Variants in FER1L6 observed in about 807,000 individuals in gnomAD.
The protein encoded by FER1L6 is fer-1-like protein 6.
A neutral mutation model predicts 219.2 loss-of-function variants in FER1L6; 177 were observed. The observed-to-expected ratio is 0.81, with a 90% CI of 0.71 to 0.91. The LOEUF is 0.91. Among genes scored for constraint, FER1L6 ranks in the 40% least tolerant of loss-of-function variants. FER1L6 has a pLI of 0.00. For missense variants in FER1L6, 2,153 were observed against 2,259.9 expected, an observed-to-expected ratio of 0.95 and a Z score of 0.96; for synonymous variants, 768 against 824.3, an observed-to-expected ratio of 0.93 and a Z score of 1.17.
At chr8:124,107,367 G>A (rs922311073) in intron 39 of FER1L6, among the ~76,000 whole-genome samples, 2 of 152,164 alleles carry the variant, frequency 1.3e-5, no homozygotes, top group African/African-American at 4.8e-5. Context: ...CTAAGTGTCA[G>A]CTTACAAGCC....
In FER1L6 at chr8:124,060,188, T is replaced by C. The variant is rs1246275438; in HGVS notation, c.2883T>C (p.Pro961=). ...CTTGCCTTGTGCGGTAGGTTCCTCC[T>C]TCTGGGCTGCAAGGCCTCCCACCCG... ...LAVFELLQVP[P]SGLQGLPPVE... Residue 961 remains proline, a synonymous_variant, in exon 23 of 41, where the codon CCT becomes CCC. Transcript: ENST00000522917. The C allele has an allele frequency of 6.2e-7, 1 of 1,613,964 alleles. No individual in the cohort carries two copies. Among genetic ancestry groups the C allele is most frequent in the South Asian group, 1.1e-5 (1 of 91,080 alleles).
intron 39 of FER1L6, among the ~76,000 whole-genome samples, chr8:124,117,615 C>T (rs1250922105): frequency 6.6e-6 from 1 of 152,156 alleles, no homozygotes; most frequent in African/African-American, 2.4e-5. Flanking sequence ...TAGACTTTAA[C>T]TCATGATTTT....
intron 1 of FER1L6, among the ~76,000 whole-genome samples, chr8:123,865,370 A>T (rs907640357): frequency 1.3e-5 from 2 of 149,940 alleles, no homozygotes; most frequent in Non-Finnish European, 2.9e-5. Flanking sequence ...TGGGAGAACC[A>T]CTGCTCTCTT....
At chr8:123,856,349 T>TATGTATGTGTATATATATATATA in intron 1 of FER1L6, among the ~76,000 whole-genome samples, 1 of 134,514 alleles carries the variant, frequency 7.4e-6, no homozygotes, top group Non-Finnish European at 1.6e-5. Flanking sequence ...TATATATATA[T>TATGTATGTGTATATATATATATA]TAGGGTCCAG....
At chr8:124,021,918 G>T (rs1818471852) in intron 17 of FER1L6, among the ~76,000 whole-genome samples, 1 of 152,152 alleles carries the variant, frequency 6.6e-6, no homozygotes, top group South Asian at 2.1e-4. Flanking sequence ...ATGGGCTCAA[G>T]TGAAGTCAAC....
chr8:123,901,108 T>C (rs1437156046), intron 1 of FER1L6, among the ~76,000 whole-genome samples: 1 of 152,242 alleles, frequency 6.6e-6, no homozygotes, highest in Non-Finnish European at 1.5e-5. Context: ...TCTGGTATAA[T>C]TCTGCTGTGA....
At chr8:123,880,539 C>T (rs1344941852) in intron 1 of FER1L6, among the ~76,000 whole-genome samples, 1 of 152,196 alleles carries the variant, frequency 6.6e-6, no homozygotes, top group East Asian at 1.9e-4. Context: ...CCAATACCCA[C>T]TGGGCTTTGT....
intron 1 of FER1L6, among the ~76,000 whole-genome samples, chr8:123,896,680 C>T (rs939375341): frequency 6.6e-6 from 1 of 152,102 alleles, no homozygotes. Context: ...GACACATAAA[C>T]CCTGATTTGT....
chr8:124,023,978 C>G (rs1323168878), intron 18 of FER1L6, among the ~76,000 whole-genome samples: 1 of 151,302 alleles, frequency 6.6e-6, no homozygotes, highest in Non-Finnish European at 1.5e-5. Flanking sequence ...CTCACTGCAA[C>G]CTCCGCCTCC....
At chr8:124,079,178 A>G (rs1353735792) in intron 32 of FER1L6, among the ~76,000 whole-genome samples, 1 of 152,158 alleles carries the variant, frequency 6.6e-6, no homozygotes, top group African/African-American at 2.4e-5. Flanking sequence ...GACACCAGTC[A>G]TATTGCATTA....
chr8:123,944,185 T>C (rs2130014900), intron 1 of FER1L6, among the ~76,000 whole-genome samples: 1 of 152,030 alleles, frequency 6.6e-6, no homozygotes, highest in Non-Finnish European at 1.5e-5. Context: ...ACATGCTCAA[T>C]GAATGGTAGC....
At chr8:124,099,365 T>G (rs888215542) in intron 37 of FER1L6, among the ~76,000 whole-genome samples, 3 of 152,030 alleles carry the variant, frequency 2.0e-5, no homozygotes, top group South Asian at 2.1e-4. Flanking sequence ...CTCTACGGTT[T>G]CTTATCTCAG....
intron 33 of FER1L6, 112 bp downstream of exon 33, chr8:124,082,570 G>C (rs1821605706): frequency 1.1e-6 from 1 of 949,520 alleles, no homozygotes; most frequent in Non-Finnish European, 1.6e-6. Context: ...ACCAGGCTCA[G>C]CTTTAACGTC....
rs116837139 is a variant in FER1L6 at position 123,907,906 on chromosome 8, A to G, written c.-7-48086A>G. Among the ~76,000 whole-genome samples, 1,463 of 152,020 alleles carry G rather than the reference A, an allele frequency of 9.6e-3. 19 individuals carry two copies. The highest frequency in any genetic ancestry group is 0.033 in the African/African-American group (1,379 of 41,482). On this transcript the variant is annotated intron_variant, in intron 1 of 40. Transcript: ENST00000522917. Reference sequence around the variant, plus strand: ...CTGCACCACACAGCACACATGGGACATTCACAACAAATATGGTAGCGAAAA... The same window carrying G: ...CTGCACCACACAGCACACATGGGACGTTCACAACAAATATGGTAGCGAAAA...
At chr8:124,083,375 T>C (rs1416154594) in intron 33 of FER1L6, among the ~76,000 whole-genome samples, 1 of 152,200 alleles carries the variant, frequency 6.6e-6, no homozygotes, top group Non-Finnish European at 1.5e-5. Flanking sequence ...CCTAATGTCT[T>C]TAATTCATGT....
chr8:124,082,854 A>G (rs1586309842), intron 33 of FER1L6, among the ~76,000 whole-genome samples: 2 of 152,196 alleles, frequency 1.3e-5, no homozygotes, highest in South Asian at 4.1e-4. Context: ...AGCACTTTAC[A>G]TGGAGTATCT....
chr8:123,871,923 G>A (rs1372291612), intron 1 of FER1L6, among the ~76,000 whole-genome samples: 2 of 152,150 alleles, frequency 1.3e-5, no homozygotes, highest in Non-Finnish European at 2.9e-5. Flanking sequence ...AAACCTATAT[G>A]TATTAGGCTG....
rs145849116 is a variant in FER1L6, at chr8:124,045,640, T to C, written c.2590-127T>C. The stretch of plus-strand genomic sequence containing the variant: ...CTCAGTTTACATAGTCACTTGAATA[T>C]TGAATGGTGAGCAATCACAATGATG... On this transcript the variant is annotated intron_variant, in intron 20 of 40. Coordinates refer to ENST00000522917, the MANE Select transcript of FER1L6 (RefSeq NM_001039112.2). 293 of 1,039,216 alleles carry C rather than the reference T, an allele frequency of 2.8e-4. 7 individuals are homozygous for C. In the East Asian group the frequency reaches 6.8e-3, roughly 24 times the overall value. The allele number at this position is 1,039,216 out of a possible 1,614,324, so 64.4% of individuals were successfully genotyped here.
chr8:123,859,119 C>T (rs1326578920), intron 1 of FER1L6, among the ~76,000 whole-genome samples: 2 of 152,100 alleles, frequency 1.3e-5, no homozygotes, highest in Non-Finnish European at 1.5e-5. Flanking sequence ...CCTTTCTCAG[C>T]CTGCAGAGTA....
Sources: gnomAD v4.1 joint callset for allele counts (sites outside exome capture counted in the v4.1 genomes callset) on GRCh38, gnomAD v4.1.1 for gene constraint, MANE v1.5 for transcripts, NCBI Gene and HGNC (gene_info 2026-07-23, HGNC 2026-07-21) for gene names.